SCD5: variants seen among roughly 807,000 people sequenced by gnomAD.
The protein encoded by SCD5 is stearoyl-CoA desaturase 5, also known as acyl-CoA-desaturase 4.
A neutral mutation model predicts 30.4 loss-of-function variants in SCD5; 20 were observed. That is an observed-to-expected ratio of 0.66 (90% CI 0.46 to 0.96). The LOEUF (loss-of-function observed/expected upper bound fraction) is 0.96. Among genes scored for constraint, SCD5 ranks in the 40% least tolerant of loss-of-function variants. The pLI, the probability that SCD5 is intolerant of heterozygous loss-of-function variation, is 0.00. For synonymous variants in SCD5, 173 were observed against 176.4 expected, an observed-to-expected ratio of 0.98 and a Z score of 0.16; for missense variants, 381 against 443.3, an observed-to-expected ratio of 0.86 and a Z score of 1.26.
At chr4:82,783,396 A>C (rs547373738) in intron 1 of SCD5, among the ~76,000 whole-genome samples, 21 of 152,362 alleles carry the variant, frequency 1.4e-4, no homozygotes, top group African/African-American at 5.1e-4. Flanking sequence ...GGGGGAAAAA[A>C]ATAGCTAAAG....
rs142333691 is a variant in SCD5 at position 82,787,027 on chromosome 4, G to T, written c.232+11279C>A. ...GCTATTGTTTTGTTTCACACAGTTA[G>T]CTCCCTCCTCCTAAGCAAGATCTTT... On this transcript the variant is annotated intron_variant, in intron 1 of 4. Transcript: ENST00000319540. Among the ~76,000 whole-genome samples the T allele has an allele frequency of 5.0e-3, 758 of 152,258 alleles. 2 individuals are homozygous for T. Among genetic ancestry groups the T allele is most frequent in the African/African-American group, 0.017 (720 of 41,534 alleles).
chr4:82,689,604 A>C (rs1375114820), intron 2 of SCD5, among the ~76,000 whole-genome samples: 1 of 152,194 alleles, frequency 6.6e-6, no homozygotes, highest in African/African-American at 2.4e-5. Flanking sequence ...CAAAATCACC[A>C]TTTTGCAGCT....
In SCD5 at chr4:82,755,527, T is replaced by C. The variant is rs1578054492; in HGVS notation, c.232+42779A>G. On this transcript the variant is annotated intron_variant, in intron 1 of 4. Transcript: ENST00000319540. ...AACAGAAAAGAAAGAAAGAAAGGGGTGGTGTAGATGTGGGGAGAGGGAATG... is the reference window on the plus strand; with the variant it reads ...AACAGAAAAGAAAGAAAGAAAGGGGCGGTGTAGATGTGGGGAGAGGGAATG... Among the ~76,000 whole-genome samples the C allele has an allele frequency of 2.0e-5, 3 of 151,642 alleles. No individual in the cohort carries two copies. The East Asian group carries it at 5.8e-4, about 29-fold the overall frequency.
chr4:82,746,436 C>G (rs914779483), intron 1 of SCD5, among the ~76,000 whole-genome samples: 1 of 152,076 alleles, frequency 6.6e-6, no homozygotes, highest in Non-Finnish European at 1.5e-5. Flanking sequence ...GCCCTTTTTT[C>G]TCTCTTTGGC....
chr4:82,666,799 T>C (rs993486053), intron 3 of SCD5, among the ~76,000 whole-genome samples: 1 of 152,198 alleles, frequency 6.6e-6, no homozygotes, highest in African/African-American at 2.4e-5. Flanking sequence ...GTTCTTCTTT[T>C]GACTTGGTTA....
chr4:82,665,928 G>A lies in SCD5; in HGVS notation c.569+14779C>T, dbSNP rs113805055. 3.9e-3 allele frequency among the ~76,000 whole-genome samples: 599 copies of A among 152,138 alleles called. 4 individuals are homozygous for A. Among genetic ancestry groups the A allele is most frequent in the Middle Eastern group, 0.014 (4 of 292 alleles). On this transcript the variant is annotated intron_variant, in intron 3 of 4. Coordinates refer to ENST00000319540, the MANE Select transcript of SCD5 (RefSeq NM_001037582.3). The stretch of plus-strand genomic sequence containing the variant: ...AACTGATCTTTTTTCTAAGTGGAAG[G>A]ATTACAAATTATTTCATTTTAATCT...
intron 3 of SCD5, among the ~76,000 whole-genome samples, chr4:82,680,346 T>A (rs1353821705): frequency 6.6e-6 from 1 of 152,150 alleles, no homozygotes. Context: ...TAGAGTCAAG[T>A]GTGTCACTAA....
intron 2 of SCD5, among the ~76,000 whole-genome samples, chr4:82,699,764 C>T (rs999295712): frequency 2.6e-5 from 4 of 151,754 alleles, no homozygotes; most frequent in Non-Finnish European, 2.9e-5. Flanking sequence ...CAGGTTCAAG[C>T]GATTCTCCTG....
In SCD5 at chr4:82,798,095, G is replaced by A. The variant is rs1430222718; in HGVS notation, c.232+211C>T. On this transcript the variant is annotated intron_variant, in intron 1 of 4. Coordinates refer to ENST00000319540, the MANE Select transcript of SCD5 (RefSeq NM_001037582.3). ...CGCGGCGGGGTGGGGGCGGGGGGGG[G>A]GCGGAAGTTGAAATACTGGGACAGA... is the stretch of plus-strand genomic sequence containing the variant. Among the ~76,000 whole-genome samples, 3 of 150,798 alleles carry A rather than the reference G, an allele frequency of 2.0e-5. No homozygotes were observed. The East Asian group carries it at 5.9e-4, about 30-fold the overall frequency.
Position 82,714,783 on chromosome 4 carries a change from AG to A in SCD5, c.233-9371del, listed in dbSNP as rs572718058. 4.8e-4 allele frequency among the ~76,000 whole-genome samples: 73 copies of A among 152,324 alleles called. 2 individuals are homozygous for A. The South Asian group carries it at 0.015, about 31-fold the overall frequency. On this transcript the variant is annotated intron_variant, in intron 1 of 4. Transcript: ENST00000319540. The stretch of plus-strand genomic sequence containing the variant: ...ATTTTGGATTTCAGATTTTTGAAGC[AG>A]GGATGTTCAACCAGTAAGTATATGG...
chr4:82,718,082 T>TAAAAA (rs1304266095), intron 1 of SCD5, among the ~76,000 whole-genome samples: 8 of 143,060 alleles, frequency 5.6e-5, no homozygotes, highest in East Asian at 2.0e-4. Flanking sequence ...CTTTTTTTTT[T>TAAAAA]AAAAAAAAAA....
At chr4:82,642,097 T>A (rs939379954) in intron 3 of SCD5, among the ~76,000 whole-genome samples, 1 of 137,760 alleles carries the variant, frequency 7.3e-6, no homozygotes, top group Non-Finnish European at 1.6e-5. Context: ...ATATTTATGA[T>A]GTTGCTCACA....
chr4:82,797,454 A>C (rs1467617269), intron 1 of SCD5, among the ~76,000 whole-genome samples: 1 of 151,096 alleles, frequency 6.6e-6, no homozygotes, highest in Non-Finnish European at 1.5e-5. Flanking sequence ...GTGGGCACGC[A>C]GTCCCTGGGG....
At chr4:82,714,389 G>A (rs1056604914) in intron 1 of SCD5, among the ~76,000 whole-genome samples, 3 of 152,152 alleles carry the variant, frequency 2.0e-5, no homozygotes, top group African/African-American at 7.2e-5. Flanking sequence ...GACAAGATAG[G>A]TGTAGTCCCT....
intron 1 of SCD5, among the ~76,000 whole-genome samples, 170 bp from the exon 2 acceptor site, chr4:82,705,583 C>A: frequency 6.6e-6 from 1 of 152,216 alleles, no homozygotes; most frequent in East Asian, 1.9e-4. Context: ...TGATTTGTAG[C>A]ATCCCAGTAC....
Position 82,772,543 on chromosome 4 carries a change from G to A in SCD5, c.232+25763C>T, listed in dbSNP as rs1302156913. Among the ~76,000 whole-genome samples, 3 of 152,320 alleles carry A rather than the reference G, an allele frequency of 2.0e-5. No homozygotes were observed. The East Asian group carries it at 5.8e-4, about 29-fold the overall frequency. On this transcript the variant is annotated intron_variant, in intron 1 of 4. Coordinates refer to ENST00000319540, the MANE Select transcript of SCD5 (RefSeq NM_001037582.3). ...TGACAATTCTATGGGTTGTCAGGGT[G>A]GGTCTTCCCATCTGAAATGGTCTCG...
intron 1 of SCD5, among the ~76,000 whole-genome samples, chr4:82,774,693 C>A (rs1721706695): frequency 6.6e-6 from 1 of 152,184 alleles, no homozygotes; most frequent in African/African-American, 2.4e-5. Flanking sequence ...CTCCTCCCAG[C>A]ATGTAAGAGG....
intron 3 of SCD5, among the ~76,000 whole-genome samples, chr4:82,679,218 A>G (rs1728501816): frequency 3.7e-5 from 1 of 27,056 alleles, no homozygotes; most frequent in Non-Finnish European, 7.9e-5. Flanking sequence ...AAAAAAAGAA[A>G]GAAAAGAAAG....
intron 3 of SCD5, among the ~76,000 whole-genome samples, chr4:82,637,900 T>C (rs759996962): frequency 1.3e-5 from 2 of 152,140 alleles, no homozygotes; most frequent in African/African-American, 2.4e-5. Context: ...CCAGGATTCA[T>C]GTGCAGGACG....
Sources: allele counts gnomAD v4.1 joint callset (sites outside exome capture counted in the v4.1 genomes callset), GRCh38; gene constraint gnomAD v4.1.1; transcripts MANE v1.5; gene names NCBI Gene and HGNC (gene_info 2026-07-23, HGNC 2026-07-21).